LGALS12: variants seen among roughly 807,000 people sequenced by gnomAD.
The protein encoded by LGALS12 is galectin 12, also known as galectin-12.
LGALS12 carries 36 observed loss-of-function variants against 36.8 expected under a neutral mutation model. The ratio of observed to expected loss-of-function variants is 0.98; its 90% CI spans 0.75 to 1.29. The LOEUF (loss-of-function observed/expected upper bound fraction) is 1.29, where lower values mean the gene tolerates loss of function less well. LGALS12 is among the 50% of genes most tolerant of loss of function. The probability of loss-of-function intolerance (pLI) is 0.00; values close to 1 mark genes in which losing one functional copy is unlikely to be tolerated. For missense variants in LGALS12, 366 were observed against 394.3 expected, an observed-to-expected ratio of 0.93 and a Z score of 0.61; for synonymous variants, 145 against 155.9, an observed-to-expected ratio of 0.93 and a Z score of 0.52.
rs775238020 is a variant in LGALS12, at chr11:63,511,876, AGCCT to A, written c.647+37_647+40del. 8.2e-6 allele frequency: 11 copies of A among 1,343,134 alleles called. No individual in the cohort carries two copies. The Admixed American group carries it at 1.0e-4, about 12-fold the overall frequency. The allele number at this position is 1,343,134 out of a possible 1,614,324, so 83.2% of individuals were successfully genotyped here. A position where few individuals can be genotyped will look rare whatever the true frequency, so the allele number is the denominator to read the frequency against. On this transcript the variant is annotated intron_variant, in intron 7 of 8. Coordinates refer to ENST00000394618, the MANE Select transcript of LGALS12 (RefSeq NM_033101.4). Reference sequence around the variant, plus strand: ...AGCATCTAAGTGGAGGGGAGGGAGCAGCCTCTCTGTGACAGTCACATGCTATAAA... The same window carrying A: ...AGCATCTAAGTGGAGGGGAGGGAGCACTCTGTGACAGTCACATGCTATAAA...
chr11:63,510,490 C>A lies in LGALS12; in HGVS notation c.520C>A (p.Pro174Thr), dbSNP rs777261872. ...NPFVEGSREY[P>T]AGHPFLLMSP... ...ATTTGTGGAGGGCAGCAGAGAGTACCCAGCTGGACATGTGAGTTTCTTGGC... is the reference window on the plus strand; with the variant it reads ...ATTTGTGGAGGGCAGCAGAGAGTACACAGCTGGACATGTGAGTTTCTTGGC... The change falls in exon 5 of 9, where the codon CCA becomes ACA. Residue 174 changes from proline to threonine, a missense_variant. By Grantham distance (38) the Pro-to-Thr change is conservative. Coordinates refer to ENST00000394618, the MANE Select transcript of LGALS12 (RefSeq NM_033101.4). The A allele has an allele frequency of 6.2e-6, 10 of 1,613,992 alleles. No individual in the cohort carries two copies. The South Asian group carries it at 1.1e-4, about 18-fold the overall frequency.
intron 7 of LGALS12, among the ~76,000 whole-genome samples, chr11:63,513,936 A>G (rs370829295): frequency 4.6e-5 from 7 of 152,200 alleles, no homozygotes; most frequent in African/African-American, 1.7e-4. Flanking sequence ...AGGTAGGGAG[A>G]CACTGAGGCC....
chr11:63,515,344 C>A (rs1009989941), intron 7 of LGALS12, among the ~76,000 whole-genome samples: 1 of 152,188 alleles, frequency 6.6e-6, no homozygotes, highest in Non-Finnish European at 1.5e-5. Context: ...TAGATGGCAA[C>A]CCTGGAGGTC....
intron 8 of LGALS12, 127 bp downstream of exon 8, chr11:63,515,840 A>C (rs2017065575): frequency 1.0e-6 from 1 of 960,478 alleles, no homozygotes; most frequent in Non-Finnish European, 1.5e-6. Flanking sequence ...CAGAGCCAGC[A>C]GAGCACAGCG....
At chr11:63,508,716 C>A (rs764237040) in intron 2 of LGALS12, 62 bp from the exon 3 acceptor site, 203 of 1,613,542 alleles carry the variant, frequency 1.3e-4, no homozygotes, top group Non-Finnish European at 1.7e-4. Context: ...CTCCTCCCTG[C>A]CACTGAGATC....
intron 3 of LGALS12, 81 bp from the exon 4 acceptor site, chr11:63,509,697 G>A (rs2016856348): frequency 6.6e-7 from 1 of 1,518,906 alleles, no homozygotes; most frequent in Non-Finnish European, 9.0e-7. Flanking sequence ...TGAGGAAAAA[G>A]TGCTTGGCAA....
At chr11:63,510,053 G>A (rs992979064) in intron 4 of LGALS12, among the ~76,000 whole-genome samples, 156 bp downstream of exon 4, 1 of 152,168 alleles carries the variant, frequency 6.6e-6, no homozygotes, top group Non-Finnish European at 1.5e-5. Context: ...CTGAGGTTTC[G>A]GGTGTGAGTG....
rs1352275439 is a variant in LGALS12 at position 63,511,124 on chromosome 11, T to C, written c.558+19T>C. 6.2e-7 allele frequency: 1 copy of C among 1,611,980 alleles called. No homozygotes were observed. ...CAGGCTGGTGAGTGAACCTCCCTCC[T>C]GCTCTGTCAGGGCTGGGGGCGCAGC... is the stretch of plus-strand genomic sequence containing the variant. On this transcript the variant is annotated intron_variant, in intron 6 of 8. Coordinates refer to ENST00000394618, the MANE Select transcript of LGALS12 (RefSeq NM_033101.4).
At chr11:63,514,919 T>C (rs556704122) in intron 7 of LGALS12, among the ~76,000 whole-genome samples, 4 of 152,136 alleles carry the variant, frequency 2.6e-5, no homozygotes, top group Non-Finnish European at 5.9e-5. Flanking sequence ...TATATAGCAA[T>C]ATTTTTAAAC....
chr11:63,508,343 T>C lies in LGALS12; in HGVS notation c.70-210T>C, dbSNP rs534738321. On this transcript the variant is annotated intron_variant, in intron 1 of 8. Transcript: ENST00000394618. The stretch of plus-strand genomic sequence containing the variant: ...AGGGAGCGGAATTTGACTTCTCTGG[T>C]GTAATGCAGCTTTGCCGTGTGACGG... 2.1e-6 allele frequency: 3 copies of C among 1,418,624 alleles called. No homozygotes were observed. The East Asian group carries it at 7.8e-5, about 37-fold the overall frequency. 87.9% of individuals were successfully genotyped at this position (1,418,624 alleles called of 1,614,324 possible). A position where few individuals can be genotyped will look rare whatever the true frequency, so the allele number is the denominator to read the frequency against.
chr11:63,506,576 C>T (rs531313848), intron 1 of LGALS12, 49 bp downstream of exon 1: 94 of 1,611,520 alleles, frequency 5.8e-5, no homozygotes, highest in Non-Finnish European at 5.3e-5. Flanking sequence ...GGGCTCTTCC[C>T]TTCCAACTGG....
chr11:63,515,725 C>T lies in LGALS12; in HGVS notation c.798+12C>T, dbSNP rs781709954. 3.7e-6 allele frequency: 6 copies of T among 1,613,030 alleles called. No homozygotes were observed. The highest frequency in any genetic ancestry group is 1.7e-4 in the Middle Eastern group (1 of 6,054). On this transcript the variant is annotated intron_variant, in intron 8 of 8. Transcript: ENST00000394618. ...AGAGATTCTTTGAGGTAGGTCAGAG[C>T]CAAATGATTACATCCCTTCAGGCTG...
chr11:63,510,405 A>G, intron 4 of LGALS12, 58 bp from the exon 5 acceptor site: 1 of 1,550,688 alleles, frequency 6.4e-7, no homozygotes. Context: ...TCCCAGGCAT[A>G]GGTAGGGGAT....
At chr11:63,512,562 G>A (rs575999016) in intron 7 of LGALS12, among the ~76,000 whole-genome samples, 14 of 152,216 alleles carry the variant, frequency 9.2e-5, no homozygotes, top group African/African-American at 2.6e-4. Flanking sequence ...AGGCCGAGGC[G>A]GGTGGATCAC....
In LGALS12 at chr11:63,506,311, C is replaced by T. The variant is rs2016741309; in HGVS notation, c.-148C>T. Reference sequence around the variant, plus strand: ...GCTGCCCTCCTAGGGCTGCTCCAGACAGCATTAAAACGCTGCAGGTCGCAG... The same window carrying T: ...GCTGCCCTCCTAGGGCTGCTCCAGATAGCATTAAAACGCTGCAGGTCGCAG... On this transcript the variant is annotated 5_prime_UTR_variant, in exon 1 of 9. Transcript: ENST00000394618. The T allele has an allele frequency of 6.4e-7, 1 of 1,558,752 alleles. No homozygotes were observed.
chr11:63,511,683 C>G (rs1318953965), intron 6 of LGALS12, 69 bp from the exon 7 acceptor site: 4 of 1,143,798 alleles, frequency 3.5e-6, no homozygotes, highest in Non-Finnish European at 5.3e-6. Flanking sequence ...TCCCCTGGCC[C>G]CCGGGGATGG....
At chr11:63,515,266 G>A (rs891622069) in intron 7 of LGALS12, among the ~76,000 whole-genome samples, 1 of 152,182 alleles carries the variant, frequency 6.6e-6, no homozygotes, top group African/African-American at 2.4e-5. Context: ...ATTTTCAGGA[G>A]GAGAAACTGA....
intron 4 of LGALS12, 106 bp downstream of exon 4, chr11:63,510,003 C>T (rs1005899366): frequency 1.8e-5 from 25 of 1,357,652 alleles, no homozygotes; most frequent in African/African-American, 2.9e-5. Context: ...AGAGAGAGGA[C>T]GCCCTGTGCA....
At chr11:63,509,991 T>C in intron 4 of LGALS12, 94 bp downstream of exon 4, 1 of 1,440,988 alleles carries the variant, frequency 6.9e-7, no homozygotes, top group East Asian at 2.4e-5. Context: ...CACCCTAGAC[T>C]GAGAGAGAGG....
Sources: allele counts gnomAD v4.1 joint callset (sites outside exome capture counted in the v4.1 genomes callset), GRCh38; gene constraint gnomAD v4.1.1; transcripts MANE v1.5; gene names NCBI Gene and HGNC (gene_info 2026-07-23, HGNC 2026-07-21).